RASA2: variants seen among roughly 807,000 people sequenced by gnomAD.
RASA2 encodes the protein ras GTPase-activating protein 2.
In RASA2, 155 loss-of-function variants were observed where a neutral mutation model predicts 118.2. The observed-to-expected ratio is 1.31, with a 90% CI of 1.15 to 1.50. The LOEUF is 1.50. Ranked by LOEUF, RASA2 falls within the 40% of genes most tolerant of loss-of-function variation. The pLI is 0.00. For missense variants in RASA2, 1,016 were observed against 1,009.6 expected (o/e 1.01, Z -0.09); for synonymous variants, 353 against 349.1 (o/e 1.01, Z -0.12).
intron 19 of RASA2, among the ~76,000 whole-genome samples, chr3:141,601,395 A>C (rs1251547430): frequency 1.3e-5 from 2 of 152,046 alleles, no homozygotes; most frequent in South Asian, 4.1e-4. Flanking sequence ...AGATGGCATC[A>C]CTGCGCTCCA....
chr3:141,513,453 A>G (rs1281087727), intron 2 of RASA2, among the ~76,000 whole-genome samples: 1 of 152,116 alleles, frequency 6.6e-6, no homozygotes. Context: ...TTGAATGTGG[A>G]TGTGATATAT....
rs1275494554 is a variant in RASA2, at chr3:141,512,240, G to T, written c.211G>T (p.Glu71Ter). 1 of 1,593,846 alleles carries T rather than the reference G, an allele frequency of 6.3e-7. No homozygotes were observed. The highest frequency in any genetic ancestry group is 8.5e-7 in the Non-Finnish European group (1 of 1,175,018). The change falls in exon 2 of 24, where the codon GAA becomes TAA. Residue 71 changes from glutamate to a stop codon, truncating the protein, a stop_gained. Transcript: ENST00000286364. LOFTEE classifies it high-confidence loss of function. ...TTTCTGTACCATAAATTTGGACCAGGAAGAAGTTTATCGTACCCAAGTTGT... is the reference window on the plus strand; with the variant it reads ...TTTCTGTACCATAAATTTGGACCAGTAAGAAGTTTATCGTACCCAAGTTGT... ...DCFCTINLDQEEVYRTQVVEK... is the reference protein window; with the variant it reads ...DCFCTINLDQ
intron 5 of RASA2, among the ~76,000 whole-genome samples, chr3:141,541,234 G>A (rs1192028660): frequency 6.6e-6 from 1 of 152,100 alleles, no homozygotes; most frequent in Non-Finnish European, 1.5e-5. Flanking sequence ...ACAAAGTACA[G>A]CAGTTTCACA....
intron 4 of RASA2, among the ~76,000 whole-genome samples, chr3:141,536,371 C>T (rs774058877): frequency 3.9e-5 from 6 of 152,114 alleles, no homozygotes; most frequent in East Asian, 1.9e-4. Context: ...GACCTCCCCC[C>T]GGGTTCCTCC....
chr3:141,551,296 G>A (rs1468200885), intron 5 of RASA2, among the ~76,000 whole-genome samples: 2 of 152,150 alleles, frequency 1.3e-5, no homozygotes, highest in African/African-American at 4.8e-5. Context: ...GAGGGCTTAT[G>A]TTTTCCTACT....
intron 23 of RASA2, among the ~76,000 whole-genome samples, chr3:141,610,630 A>G (rs2083635755): frequency 6.6e-6 from 1 of 150,700 alleles, no homozygotes; most frequent in Non-Finnish European, 1.5e-5. Context: ...AGCTAGGACT[A>G]CAAGTGTACA....
intron 1 of RASA2, among the ~76,000 whole-genome samples, chr3:141,497,406 GTAAC>G (rs1377078860): frequency 6.6e-6 from 1 of 151,636 alleles, no homozygotes; most frequent in Non-Finnish European, 1.5e-5. Flanking sequence ...ATTATCAAAA[GTAAC>G]TATTTATATA....
intron 5 of RASA2, among the ~76,000 whole-genome samples, chr3:141,544,022 T>C (rs537462851): frequency 6.6e-6 from 1 of 152,022 alleles, no homozygotes; most frequent in South Asian, 2.1e-4. Flanking sequence ...ATTACAGGCA[T>C]GCACCACCAT....
intron 1 of RASA2, among the ~76,000 whole-genome samples, chr3:141,490,318 A>G (rs1182887374): frequency 1.6e-5 from 2 of 128,206 alleles, no homozygotes; most frequent in Admixed American, 8.9e-5. Flanking sequence ...ACACATTTGC[A>G]TGCTCCCTCC....
chr3:141,587,656 G>A (rs1341604510), intron 19 of RASA2, among the ~76,000 whole-genome samples: 1 of 143,894 alleles, frequency 6.9e-6, no homozygotes, highest in African/African-American at 2.6e-5. Flanking sequence ...AGAGGCTGCA[G>A]TAAGCTGAGA....
intron 5 of RASA2, among the ~76,000 whole-genome samples, chr3:141,552,407 C>G (rs1229868415): frequency 6.6e-6 from 1 of 152,194 alleles, no homozygotes; most frequent in African/African-American, 2.4e-5. Flanking sequence ...CAGCTTCTTA[C>G]AAGTTACGCT....
intron 19 of RASA2, among the ~76,000 whole-genome samples, chr3:141,588,457 C>A (rs1420778392): frequency 6.6e-6 from 1 of 152,164 alleles, no homozygotes; most frequent in Non-Finnish European, 1.5e-5. Flanking sequence ...GAGCAACATT[C>A]AGTATGTTTT....
chr3:141,567,883 A>G (rs2082846678), intron 9 of RASA2, among the ~76,000 whole-genome samples: 1 of 152,228 alleles, frequency 6.6e-6, no homozygotes, highest in African/African-American at 2.4e-5. Flanking sequence ...ATTCTGGGAG[A>G]AGAATGGCAA....
At chr3:141,555,515 T>A (rs975399981) in intron 6 of RASA2, among the ~76,000 whole-genome samples, 1 of 152,086 alleles carries the variant, frequency 6.6e-6, no homozygotes, top group Admixed American at 6.6e-5. Flanking sequence ...GAAGGTGCTC[T>A]AAATCTTATT....
intron 5 of RASA2, among the ~76,000 whole-genome samples, chr3:141,541,580 T>C (rs757908993): frequency 3.0e-4 from 46 of 152,196 alleles, no homozygotes; most frequent in Admixed American, 9.8e-4. Context: ...ATTGTTACAA[T>C]ACTTTTTAAA....
chr3:141,580,058 G>GAA (rs1224245090), intron 15 of RASA2, among the ~76,000 whole-genome samples: 204 of 18,444 alleles, frequency 0.011, 11 homozygotes, highest in Non-Finnish European at 0.014. Context: ...TCCATCTCAG[G>GAA]AAAAAAAAAA....
At chr3:141,584,108 G>A (rs1330376259) in intron 17 of RASA2, among the ~76,000 whole-genome samples, 1 of 151,972 alleles carries the variant, frequency 6.6e-6, no homozygotes, top group Admixed American at 6.6e-5. Flanking sequence ...CGAGGCAGGT[G>A]GATCACAAGA....
chr3:141,589,624 T>C (rs2083257723), intron 19 of RASA2, among the ~76,000 whole-genome samples: 1 of 152,034 alleles, frequency 6.6e-6, no homozygotes, highest in Non-Finnish European at 1.5e-5. Flanking sequence ...AGGCGGATCA[T>C]GAGGCCAGGA....
At chr3:141,488,047 C>T (rs1333018447) in intron 1 of RASA2, among the ~76,000 whole-genome samples, 1 of 152,198 alleles carries the variant, frequency 6.6e-6, no homozygotes, top group South Asian at 2.1e-4. Context: ...GCGAGCCTAC[C>T]AGTTGACTAA....
Sources: allele counts gnomAD v4.1 joint callset (sites outside exome capture counted in the v4.1 genomes callset), GRCh38; gene constraint gnomAD v4.1.1; transcripts MANE v1.5; gene names NCBI Gene and HGNC (gene_info 2026-07-23, HGNC 2026-07-21).